AUTS2: variants seen among roughly 807,000 people sequenced by gnomAD.
AUTS2 encodes the protein activator of transcription and developmental regulator AUTS2.
AUTS2 carries 17 observed loss-of-function variants against 112.4 expected under a neutral mutation model. The observed-to-expected ratio is 0.15, with a 90% CI of 0.10 to 0.23. The LOEUF (loss-of-function observed/expected upper bound fraction) is 0.23. Among genes scored for constraint, AUTS2 ranks in the 10% least tolerant of loss-of-function variants. AUTS2 has a pLI of 1.00. For synonymous variants in AUTS2, 751 were observed against 702.7 expected (o/e 1.07, Z -1.09); for missense variants, 1,510 against 1,701.6 (o/e 0.89, Z 1.98).
chr7:69,946,274 A>C (rs993756971), intron 2 of AUTS2, among the ~76,000 whole-genome samples: 6 of 152,164 alleles, frequency 3.9e-5, no homozygotes, highest in Non-Finnish European at 7.3e-5. Flanking sequence ...CAGGGTTTCC[A>C]ATGGTGTGTA....
intron 2 of AUTS2, among the ~76,000 whole-genome samples, chr7:70,013,218 G>C (rs954097384): frequency 1.6e-4 from 24 of 152,310 alleles, no homozygotes; most frequent in African/African-American, 5.1e-4. Flanking sequence ...CTGAAAGCTT[G>C]CTTCCTTTCC....
intron 4 of AUTS2, among the ~76,000 whole-genome samples, chr7:70,262,179 T>C (rs117594872): frequency 6.6e-6 from 1 of 152,208 alleles, no homozygotes; most frequent in Admixed American, 6.5e-5. Context: ...GTTTTTTAAA[T>C]GTATGTTTCT....
Position 69,599,622 on chromosome 7 carries a change from G to A in AUTS2, c.-32G>A, listed in dbSNP as rs1792257505. 7.9e-7 allele frequency: 1 copy of A among 1,271,540 alleles called. No homozygotes were observed. The allele number at this position is 1,271,540 out of a possible 1,614,324, so 78.8% of individuals were successfully genotyped here. ...GTGGCTGCGGCCGTAGCCTGTGGCG[G>A]GCAAGCGGGGAGACCCCGGCGCAGC... On this transcript the variant is annotated 5_prime_UTR_variant, in exon 1 of 19. Transcript: ENST00000342771. The surrounding 1 kb of genome is among the most constrained non-coding windows in gnomAD (Gnocchi z 7.0).
chr7:70,518,330 A>G (rs1799500421), intron 5 of AUTS2, among the ~76,000 whole-genome samples: 1 of 152,184 alleles, frequency 6.6e-6, no homozygotes, highest in Non-Finnish European at 1.5e-5. Context: ...GCTGATTTTC[A>G]TGATCCTGCT....
intron 1 of AUTS2, among the ~76,000 whole-genome samples, chr7:69,696,619 TGAG>T (rs1004271990): frequency 7.2e-5 from 11 of 152,132 alleles, no homozygotes; most frequent in Non-Finnish European, 1.6e-4. Flanking sequence ...GTGGGGAGAA[TGAG>T]GAGATCTTTG....
chr7:70,080,031 T>C lies in AUTS2; in HGVS notation c.523-38101T>C, dbSNP rs145610414. Among the ~76,000 whole-genome samples, 302 of 152,218 alleles carry C rather than the reference T, an allele frequency of 2.0e-3. 1 individual carries two copies. Among genetic ancestry groups the C allele is most frequent in the Middle Eastern group, 0.01 (3 of 294 alleles). On this transcript the variant is annotated intron_variant, in intron 2 of 18. Coordinates refer to ENST00000342771, the MANE Select transcript of AUTS2 (RefSeq NM_015570.4). ...GCCCTCATGACCTAAACATTTCCCA[T>C]TATGTTCCATCTCCCAACACTGTTG...
At chr7:69,738,855 T>C (rs1787147655) in intron 1 of AUTS2, among the ~76,000 whole-genome samples, 1 of 152,156 alleles carries the variant, frequency 6.6e-6, no homozygotes, top group Non-Finnish European at 1.5e-5. Context: ...CAGCTGCTGC[T>C]GTTCTTTTGG....
intron 1 of AUTS2, among the ~76,000 whole-genome samples, chr7:69,720,211 A>G (rs1419465313): frequency 6.6e-6 from 1 of 152,212 alleles, no homozygotes; most frequent in Admixed American, 6.5e-5. Flanking sequence ...TTGGTTTGGT[A>G]GAGTTGTTAA....
rs572168606 is a variant in AUTS2 at position 70,504,678 on chromosome 7, G to A, written c.690+68897G>A. 7.9e-5 allele frequency among the ~76,000 whole-genome samples: 12 copies of A among 152,252 alleles called. No homozygotes were observed. The East Asian group carries it at 1.5e-3, about 20-fold the overall frequency. ...GACAAACATCTAATGTTTTCCTCTC[G>A]AAATCATGAGTTTCCTGCAAGTGTT... On this transcript the variant is annotated intron_variant, in intron 5 of 18. Coordinates refer to ENST00000342771, the MANE Select transcript of AUTS2 (RefSeq NM_015570.4).
chr7:70,372,182 A>C (rs192899194), intron 4 of AUTS2, among the ~76,000 whole-genome samples: 2 of 152,322 alleles, frequency 1.3e-5, no homozygotes, highest in Admixed American at 1.3e-4. Flanking sequence ...ATATTCCAGA[A>C]AGAAGAGGTA....
At chr7:70,146,698 C>G (rs1472273289) in intron 4 of AUTS2, among the ~76,000 whole-genome samples, 2 of 152,114 alleles carry the variant, frequency 1.3e-5, no homozygotes, top group Non-Finnish European at 2.9e-5. Context: ...AAACTCATTT[C>G]AGGTCATCGT....
intron 4 of AUTS2, among the ~76,000 whole-genome samples, chr7:70,253,086 T>C (rs1584935757): frequency 6.6e-6 from 1 of 152,280 alleles, no homozygotes; most frequent in Middle Eastern, 3.4e-3. Flanking sequence ...AGTCTTGAAT[T>C]CATTACTAAA....
rs184607186 is a variant in AUTS2 at position 70,130,668 on chromosome 7, G to T, written c.625-3868G>T. Among the ~76,000 whole-genome samples, 237 of 150,598 alleles carry T rather than the reference G, an allele frequency of 1.6e-3. 2 individuals carry two copies. Among genetic ancestry groups the T allele is most frequent in the East Asian group, 7.9e-4 (4 of 5,060 alleles). ...GGTGGGTAGTTTGCAGAGATTGCTGGAGCAGTGGTCAAATATGAAAAAAAA... is the reference window on the plus strand; with the variant it reads ...GGTGGGTAGTTTGCAGAGATTGCTGTAGCAGTGGTCAAATATGAAAAAAAA... On this transcript the variant is annotated intron_variant, in intron 3 of 18. Coordinates refer to ENST00000342771, the MANE Select transcript of AUTS2 (RefSeq NM_015570.4).
intron 5 of AUTS2, among the ~76,000 whole-genome samples, chr7:70,496,143 CCCACTCACACACA>C (rs1798482683): frequency 1.8e-5 from 2 of 113,580 alleles, no homozygotes; most frequent in Non-Finnish European, 1.8e-5. Context: ...GATCACACAC[CCCACTCACACACA>C]CCACGTACAC....
In AUTS2 at chr7:70,775,399, C is replaced by T; in HGVS notation, c.1932+13C>T. On this transcript the variant is annotated intron_variant, in intron 13 of 18. Transcript: ENST00000342771. ...ACCTATGTTAAGGGTAAGAAAGCTT[C>T]TTATAGAACTGTTTTGCAACCTCTA... 7 of 1,610,262 alleles carry T rather than the reference C, an allele frequency of 4.3e-6. No individual in the cohort carries two copies. Among genetic ancestry groups the T allele is most frequent in the Non-Finnish European group, 5.9e-6 (7 of 1,178,170 alleles).
intron 14 of AUTS2, among the ~76,000 whole-genome samples, chr7:70,780,660 T>A (rs1473631872): frequency 6.6e-6 from 1 of 152,162 alleles, no homozygotes. Flanking sequence ...ATGGTTTACT[T>A]GTCTGGATGG....
intron 2 of AUTS2, among the ~76,000 whole-genome samples, chr7:70,056,153 A>C (rs536943250): frequency 6.6e-6 from 1 of 151,780 alleles, no homozygotes; most frequent in Admixed American, 6.6e-5. Context: ...GTGCCCGGCT[A>C]ATTTTTGTAT....
intron 5 of AUTS2, among the ~76,000 whole-genome samples, chr7:70,507,384 A>T (rs1336684606): frequency 6.6e-6 from 1 of 152,158 alleles, no homozygotes; most frequent in East Asian, 1.9e-4. Context: ...TTTTAAAATT[A>T]GAAAAAAAAG....
intron 5 of AUTS2, among the ~76,000 whole-genome samples, chr7:70,511,556 A>ATTGTCTTTTTTT (rs1563005631): frequency 4.8e-5 from 2 of 41,766 alleles, no homozygotes; most frequent in African/African-American, 9.9e-5. Context: ...ACTTTTTTTC[A>ATTGTCTTTTTTT]TTTTCTTTTT....
Sources: gnomAD v4.1 joint callset for allele counts (sites outside exome capture counted in the v4.1 genomes callset) on GRCh38, gnomAD v4.1.1 for gene constraint, Gnocchi (gnomAD v3.1) non-coding constraint, MANE v1.5 for transcripts, NCBI Gene and HGNC (gene_info 2026-07-23, HGNC 2026-07-21) for gene names.